CARD14: variants seen among roughly 807,000 people sequenced by gnomAD.
CARD14 encodes the protein caspase recruitment domain-containing protein 14.
A neutral mutation model predicts 111.5 loss-of-function variants in CARD14; 107 were observed. The observed-to-expected ratio is 0.96, with a 90% CI of 0.82 to 1.13. The LOEUF (loss-of-function observed/expected upper bound fraction) is 1.13, where lower values mean the gene tolerates loss of function less well. Ranked by LOEUF, CARD14 falls within the 50% of genes most tolerant of loss-of-function variation. The pLI, the probability that CARD14 is intolerant of heterozygous loss-of-function variation, is 0.00. For missense variants in CARD14, 1,322 were observed against 1,362.3 expected (o/e 0.97, Z 0.47); for synonymous variants, 617 against 579.6 (o/e 1.06, Z -0.93).
At position 80,195,844 on chromosome 17, in the gene CARD14, A is replaced by G; in HGVS notation, c.1594+192A>G. 3.4e-6 allele frequency: 2 copies of G among 586,214 alleles called. 1 individual carries two copies. The allele number at this position is 586,214 out of a possible 1,614,324, so 36.3% of individuals were successfully genotyped here. On this transcript the variant is annotated intron_variant, in intron 14 of 23. Coordinates refer to ENST00000648509, the MANE Select transcript of CARD14 (RefSeq NM_001366385.1). The surrounding 1 kb of genome is among the most constrained non-coding windows in gnomAD (Gnocchi z 4.7). ...TCCCGCCTGCCAGCCAGCGTAAGCC[A>G]AAGGCCGGCTGCGCTCTGTCTGCTG... is the stretch of plus-strand genomic sequence containing the variant.
At chr17:80,185,294 C>T (rs1328679664) in intron 7 of CARD14, among the ~76,000 whole-genome samples, 5 of 152,112 alleles carry the variant, frequency 3.3e-5, no homozygotes, top group African/African-American at 1.2e-4. Context: ...TCAAGCGATC[C>T]TCCCACCTCG....
rs968069724 is a variant in CARD14 at position 80,195,454 on chromosome 17, C to T, written c.1500-104C>T. 1.2e-5 allele frequency: 18 copies of T among 1,500,956 alleles called. No individual in the cohort carries two copies. The highest frequency in any genetic ancestry group is 1.5e-5 in the Non-Finnish European group (17 of 1,116,588). The allele number at this position is 1,500,956 out of a possible 1,614,324, so 93.0% of individuals were successfully genotyped here. ...TATTGCAGGCAGCAGCTCCTGCCCT[C>T]GAAGCCCCAGAGCTGGCAGGTGCTG... On this transcript the variant is annotated intron_variant, in intron 13 of 23. Transcript: ENST00000648509. This position sits in a 1 kb window ranked among gnomAD's most constrained non-coding sequence, Gnocchi z 4.7.
Position 80,184,107 on chromosome 17 carries a change from C to T in CARD14, c.544C>T (p.Arg182Cys), listed in dbSNP as rs372403419. Residue 182 changes from arginine to cysteine, a missense_variant, in exon 7 of 24, where the codon CGT becomes TGT. Transcript: ENST00000648509. Reference protein sequence around the residue: ...QLEADHSRMKREVSAHFHEVL... With the variant: ...QLEADHSRMKCEVSAHFHEVL... ...GGAGGCTGACCACAGCCGCATGAAGCGTGAGGTTAGCGCACACTTCCATGA... is the reference window on the plus strand; with the variant it reads ...GGAGGCTGACCACAGCCGCATGAAGTGTGAGGTTAGCGCACACTTCCATGA... 74 of 1,579,094 alleles carry T rather than the reference C, an allele frequency of 4.7e-5. No individual in the cohort carries two copies. The highest frequency in any genetic ancestry group is 5.6e-5 in the Non-Finnish European group (65 of 1,163,102).
chr17:80,172,283 G>T (rs865931158), intron 1 of CARD14, among the ~76,000 whole-genome samples: 25 of 152,206 alleles, frequency 1.6e-4, no homozygotes, highest in African/African-American at 6.0e-4. Flanking sequence ...GGCTCAGGCC[G>T]AATGCCTATT....
intron 19 of CARD14, 148 bp from the exon 20 acceptor site, chr17:80,204,079 A>T: frequency 1.2e-6 from 1 of 860,512 alleles, no homozygotes; most frequent in Non-Finnish European, 1.8e-6. Flanking sequence ...CTCTTGCACA[A>T]GTGCAGACAC....
intron 2 of CARD14, among the ~76,000 whole-genome samples, chr17:80,177,268 G>A (rs1018726897): frequency 6.6e-5 from 10 of 151,204 alleles, no homozygotes; most frequent in Non-Finnish European, 7.4e-5. Flanking sequence ...TTGCTCTGTC[G>A]TCCAGGCTGG....
At position 80,191,316 on chromosome 17, in the gene CARD14, C is replaced by T; in HGVS notation, c.1090-7C>T. Reference sequence around the variant, plus strand: ...CGCGGCCTCCTTACTCCCGTCGTGGCCCACAGGCGTACTCCGCGAGGGACA... The same window carrying T: ...CGCGGCCTCCTTACTCCCGTCGTGGTCCACAGGCGTACTCCGCGAGGGACA... On this transcript the variant is annotated splice_polypyrimidine_tract_variant and splice_region_variant and intron_variant, in intron 10 of 23. Transcript: ENST00000648509. 6.2e-7 allele frequency: 1 copy of T among 1,605,502 alleles called. No individual in the cohort carries two copies. The highest frequency in any genetic ancestry group is 8.5e-7 in the Non-Finnish European group (1 of 1,173,068).
chr17:80,172,214 AG>A (rs1178970049), intron 1 of CARD14, among the ~76,000 whole-genome samples: 3 of 152,236 alleles, frequency 2.0e-5, no homozygotes, highest in Admixed American at 1.3e-4. Flanking sequence ...CCCCAAAGAA[AG>A]GCCTTGTAGG....
Position 80,195,634 on chromosome 17 carries a change from G to T in CARD14, c.1576G>T (p.Glu526Ter). ...GGCAGGCGACCCACACCTGGATTAT[G>T]AGCTCCTAGACACGGCAGGTGAGCA... ...AKAGDPHLDY[E>*]LLDTADLPQL... The change falls in exon 14 of 24, where the codon GAG becomes TAG. Residue 526 changes from glutamate to a stop codon, truncating the protein, a stop_gained. Transcript: ENST00000648509. LOFTEE classifies it high-confidence loss of function. This position sits in a 1 kb window ranked among gnomAD's most constrained non-coding sequence, Gnocchi z 4.7. The T allele has an allele frequency of 6.8e-6, 11 of 1,613,468 alleles. No individual in the cohort carries two copies. Among genetic ancestry groups the T allele is most frequent in the Non-Finnish European group, 9.3e-6 (11 of 1,179,838 alleles).
chr17:80,179,924 A>G (rs1227700702), intron 4 of CARD14, among the ~76,000 whole-genome samples: 1 of 152,226 alleles, frequency 6.6e-6, no homozygotes, highest in Non-Finnish European at 1.5e-5. Context: ...TCTGCCTCGC[A>G]TTTCCTTAAA....
chr17:80,194,603 C>T (rs1486820458), intron 12 of CARD14, among the ~76,000 whole-genome samples: 2 of 152,216 alleles, frequency 1.3e-5, no homozygotes, highest in Non-Finnish European at 1.5e-5. Flanking sequence ...GTTTAATTGA[C>T]TCACAGTTCA....
intron 4 of CARD14, among the ~76,000 whole-genome samples, chr17:80,181,016 G>A (rs181468116): frequency 6.8e-4 from 102 of 151,000 alleles, no homozygotes; most frequent in East Asian, 5.8e-3. Flanking sequence ...TTCCCCCTTC[G>A]CCTCTCAAAG....
intron 7 of CARD14, among the ~76,000 whole-genome samples, chr17:80,185,841 A>G (rs2040327259): frequency 6.6e-6 from 1 of 152,128 alleles, no homozygotes; most frequent in Non-Finnish European, 1.5e-5. Context: ...TGTTTCCCAC[A>G]TGTATACAGA....
intron 2 of CARD14, among the ~76,000 whole-genome samples, chr17:80,176,249 G>A (rs965668372): frequency 6.6e-6 from 1 of 150,720 alleles, no homozygotes; most frequent in Non-Finnish European, 1.5e-5. Context: ...AGGCAACATA[G>A]TGAGACCCCC....
chr17:80,195,047 G>A lies in CARD14; in HGVS notation c.1357-144G>A. On this transcript the variant is annotated intron_variant, in intron 12 of 23. Coordinates refer to ENST00000648509, the MANE Select transcript of CARD14 (RefSeq NM_001366385.1). The surrounding 1 kb of genome is among the most constrained non-coding windows in gnomAD (Gnocchi z 4.7). ...CATACAGCAGGTGCTCAGCGCATGT[G>A]ACCCCATGTGTGTCCTTCTTTCCCC... 1 of 1,021,172 alleles carries A rather than the reference G, an allele frequency of 9.8e-7. No individual in the cohort carries two copies. Among genetic ancestry groups the A allele is most frequent in the Admixed American group, 2.7e-5 (1 of 36,804 alleles). The allele number at this position is 1,021,172 out of a possible 1,614,324, so 63.3% of individuals were successfully genotyped here. A position where few individuals can be genotyped will look rare whatever the true frequency, so the allele number is the denominator to read the frequency against.
chr17:80,181,338 T>A, intron 4 of CARD14, 81 bp from the exon 5 acceptor site: 2 of 1,057,224 alleles, frequency 1.9e-6, no homozygotes, highest in Non-Finnish European at 2.7e-6. Context: ...TACGATGGAG[T>A]TGATTTTAAA....
At chr17:80,199,504 A>G (rs2040854486) in intron 16 of CARD14, among the ~76,000 whole-genome samples, 1 of 149,004 alleles carries the variant, frequency 6.7e-6, no homozygotes, top group African/African-American at 2.5e-5. Flanking sequence ...TGAGGCTGCA[A>G]TGAGCTAAGA....
rs567315820 is a variant in CARD14, at chr17:80,198,400, G to A, written c.1660G>A (p.Gly554Ser). 16 of 1,598,572 alleles carry A rather than the reference G, an allele frequency of 1.0e-5. No homozygotes were observed. The highest frequency in any genetic ancestry group is 7.8e-5 in the South Asian group (7 of 89,602). Reference protein sequence around the residue: ...SPGRLDVSESGVLMRRRPARR... With the variant: ...SPGRLDVSESSVLMRRRPARR... ...AGCCGGTCGTCTCCCGGCCTGCAGC[G>A]GCGTCCTCATGCGGCGGAGGCCAGC... Residue 554 changes from glycine to serine, a missense_variant and splice_region_variant, in exon 16 of 24, where the codon GGC becomes AGC. Transcript: ENST00000648509. The surrounding 1 kb of genome is among the most constrained non-coding windows in gnomAD (Gnocchi z 7.5).
At chr17:80,204,020 C>T (rs2041136186) in intron 19 of CARD14, 135 bp downstream of exon 19, 1 of 829,602 alleles carries the variant, frequency 1.2e-6, no homozygotes, top group Non-Finnish European at 1.9e-6. Context: ...CTCTCCTCTG[C>T]ACCCCTTCAA....
Sources: allele counts gnomAD v4.1 joint callset (sites outside exome capture counted in the v4.1 genomes callset), GRCh38; gene constraint gnomAD v4.1.1; non-coding constraint Gnocchi (gnomAD v3.1); transcripts MANE v1.5; gene names NCBI Gene and HGNC (gene_info 2026-07-23, HGNC 2026-07-21).